The following DLG2 variants were observed in gnomAD, a reference collection of about 807,000 sequenced individuals.
DLG2 encodes the protein discs large MAGUK scaffold protein 2.
Under a neutral mutation model 132.5 loss-of-function variants are expected in DLG2, and 45 were observed. That is an observed-to-expected ratio of 0.34 (90% confidence interval 0.27 to 0.44). The LOEUF is 0.44. Among genes scored for constraint, DLG2 ranks in the 20% least tolerant of loss-of-function variants. DLG2 has a pLI of 1.00. For synonymous variants in DLG2, 424 were observed against 419.6 expected (o/e 1.01, Z -0.13); for missense variants, 1,045 against 1,196.9 (o/e 0.87, Z 1.87).
Position 84,158,473 on chromosome 11 carries a change from A to G in DLG2, c.624+4988T>C, listed in dbSNP as rs548394432. Among the ~76,000 whole-genome samples the G allele has an allele frequency of 1.4e-4, 22 of 152,330 alleles. 1 individual carries two copies. Among genetic ancestry groups the G allele is most frequent in the African/African-American group, 5.3e-4 (22 of 41,574 alleles). On this transcript the variant is annotated intron_variant, in intron 9 of 27. Coordinates refer to ENST00000376104, the MANE Select transcript of DLG2 (RefSeq NM_001142699.3). ...TTTGACAGCAGTCTAATTCAGTGGT[A>G]ATAAGCTCAGATTCTAATATCTGTT...
At chr11:83,771,525 T>C (rs1566903823) in intron 18 of DLG2, among the ~76,000 whole-genome samples, 1 of 152,220 alleles carries the variant, frequency 6.6e-6, no homozygotes, top group Non-Finnish European at 1.5e-5. Flanking sequence ...CTGTGTGGTA[T>C]GGCCTCTTGT....
chr11:84,601,112 T>C (rs533810888), intron 6 of DLG2, among the ~76,000 whole-genome samples: 74 of 152,140 alleles, frequency 4.9e-4, no homozygotes, highest in Non-Finnish European at 8.8e-4. Flanking sequence ...ATGTAGAAGA[T>C]TGTACACAGG....
At chr11:85,322,083 C>T (rs2081111809) in intron 3 of DLG2, among the ~76,000 whole-genome samples, 1 of 151,970 alleles carries the variant, frequency 6.6e-6, no homozygotes, top group African/African-American at 2.4e-5. Flanking sequence ...ACCTACTCTC[C>T]AAACCTTATC....
chr11:83,758,952 CAGAG>C (rs1301158347), intron 18 of DLG2, among the ~76,000 whole-genome samples: 1 of 152,058 alleles, frequency 6.6e-6, no homozygotes, highest in Non-Finnish European at 1.5e-5. Context: ...TCCAAGGCCA[CAGAG>C]AAAGTACACT....
intron 3 of DLG2, among the ~76,000 whole-genome samples, chr11:85,586,901 C>G (rs999209387): frequency 6.6e-6 from 1 of 152,016 alleles, no homozygotes; most frequent in Non-Finnish European, 1.5e-5. Flanking sequence ...TGTGTCACTA[C>G]TATTGTTCAG....
At position 84,214,222 on chromosome 11, in the gene DLG2, CATATATACATATATATGAATAT is replaced by C. The variant is rs748702705; in HGVS notation, c.573+36994_573+37015del. 7.8e-4 allele frequency among the ~76,000 whole-genome samples: 103 copies of C among 131,258 alleles called. 3 individuals carry two copies. The highest frequency in any genetic ancestry group is 6.3e-3 in the East Asian group (32 of 5,060). 86.1% of individuals were successfully genotyped at this position (131,258 alleles called of 152,430 possible). A position where few individuals can be genotyped will look rare whatever the true frequency, so the allele number is the denominator to read the frequency against. Reference sequence around the variant, plus strand: ...ATATATATACATATATATATGAATACATATATACATATATATGAATATATATATACATATATATGAATATATA... The same window carrying C: ...ATATATATACATATATATATGAATACATATATACATATATATGAATATATA... On this transcript the variant is annotated intron_variant, in intron 8 of 27. Transcript: ENST00000376104.
chr11:85,276,178 T>C (rs2077880469), intron 4 of DLG2, among the ~76,000 whole-genome samples: 1 of 152,124 alleles, frequency 6.6e-6, no homozygotes, highest in Non-Finnish European at 1.5e-5. Flanking sequence ...TCTCTCACCA[T>C]AATATTTTCA....
intron 18 of DLG2, among the ~76,000 whole-genome samples, chr11:83,665,461 A>G (rs1353712635): frequency 6.6e-6 from 1 of 152,240 alleles, no homozygotes; most frequent in Non-Finnish European, 1.5e-5. Flanking sequence ...AGAGCAATAT[A>G]GAGTACAAAT....
chr11:84,424,345 G>T (rs2098959938), intron 7 of DLG2, among the ~76,000 whole-genome samples: 1 of 152,050 alleles, frequency 6.6e-6, no homozygotes, highest in South Asian at 2.1e-4. Context: ...AAAATCAGAG[G>T]CAGAGAATGA....
intron 10 of DLG2, among the ~76,000 whole-genome samples, chr11:84,098,266 T>C (rs1345253579): frequency 6.6e-6 from 1 of 152,136 alleles, no homozygotes; most frequent in Non-Finnish European, 1.5e-5. Context: ...CTCAAACTCC[T>C]GACCTCAAGT....
At chr11:84,960,439 C>CT (rs35143980) in intron 6 of DLG2, among the ~76,000 whole-genome samples, 18,920 of 144,982 alleles carry the variant, frequency 0.13, 1,332 homozygotes, top group Middle Eastern at 0.16. Context: ...ATTCTTTTAA[C>CT]TTTTTTTTTT....
intron 7 of DLG2, among the ~76,000 whole-genome samples, chr11:84,424,541 T>C (rs2098960477): frequency 6.6e-6 from 1 of 152,130 alleles, no homozygotes; most frequent in Admixed American, 6.6e-5. Context: ...TCTCATTTTA[T>C]AGATGAGGAA....
intron 3 of DLG2, among the ~76,000 whole-genome samples, chr11:85,322,938 T>C (rs2081182640): frequency 1.3e-5 from 2 of 152,230 alleles, no homozygotes; most frequent in African/African-American, 4.8e-5. Flanking sequence ...AATAGGATAA[T>C]CTTTTAAAAT....
At chr11:83,987,175 C>G (rs894737698) in intron 11 of DLG2, among the ~76,000 whole-genome samples, 1 of 151,994 alleles carries the variant, frequency 6.6e-6, no homozygotes, top group Non-Finnish European at 1.5e-5. Context: ...AACTACAAAC[C>G]ACTGCTCAAT....
intron 5 of DLG2, among the ~76,000 whole-genome samples, chr11:85,118,935 A>G (rs2073986203): frequency 6.6e-6 from 1 of 151,572 alleles, no homozygotes; most frequent in Non-Finnish European, 1.5e-5. Context: ...CCTGATATAT[A>G]CTCTAATAGT....
At chr11:83,576,543 C>T (rs1053089943) in intron 19 of DLG2, among the ~76,000 whole-genome samples, 8 of 151,982 alleles carry the variant, frequency 5.3e-5, no homozygotes, top group East Asian at 3.9e-4. Flanking sequence ...AAGAAACATG[C>T]TTCATGCAAA....
At chr11:83,866,267 A>G (rs3793953) in intron 16 of DLG2, among the ~76,000 whole-genome samples, 72,168 of 152,070 alleles carry the variant, frequency 0.47, 17,535 homozygotes, top group Middle Eastern at 0.61. Context: ...GACAGTATTC[A>G]AAGAGAGGTA....
At chr11:83,689,683 C>G (rs2080498839) in intron 18 of DLG2, among the ~76,000 whole-genome samples, 1 of 151,628 alleles carries the variant, frequency 6.6e-6, no homozygotes, top group Non-Finnish European at 1.5e-5. Context: ...AACAAGACAC[C>G]AGACTAAATG....
intron 7 of DLG2, among the ~76,000 whole-genome samples, chr11:84,269,085 T>C (rs1404972956): frequency 6.6e-6 from 1 of 152,232 alleles, no homozygotes; most frequent in African/African-American, 2.4e-5. Flanking sequence ...TATCTGTGTA[T>C]GTATACATGT....
Sources: allele counts gnomAD v4.1 joint callset (sites outside exome capture counted in the v4.1 genomes callset), GRCh38; gene constraint gnomAD v4.1.1; transcripts MANE v1.5; gene names NCBI Gene and HGNC (gene_info 2026-07-23, HGNC 2026-07-21).